Variants in SUGCT observed in about 807,000 individuals in gnomAD.
The protein encoded by SUGCT is succinyl-CoA:glutarate CoA-transferase.
SUGCT carries 41 observed loss-of-function variants against 55.0 expected under a neutral mutation model. The observed-to-expected ratio is 0.74, with a 90% CI of 0.58 to 0.97. The LOEUF (loss-of-function observed/expected upper bound fraction) is 0.97, where lower values mean the gene tolerates loss of function less well. Ranked by LOEUF, SUGCT falls within the 50% of genes least tolerant of loss-of-function variation. SUGCT has a pLI of 0.00. For missense variants in SUGCT, 568 were observed against 547.8 expected, an observed-to-expected ratio of 1.04 and a Z score of -0.37; for synonymous variants, 187 against 200.4, an observed-to-expected ratio of 0.93 and a Z score of 0.56.
At chr7:40,312,865 T>G (rs1294768430) in intron 8 of SUGCT, among the ~76,000 whole-genome samples, 1 of 152,180 alleles carries the variant, frequency 6.6e-6, no homozygotes, top group East Asian at 1.9e-4. Flanking sequence ...CCCGTTTTGA[T>G]GCAGTGAACC....
At chr7:40,236,953 C>T (rs1297715157) in intron 6 of SUGCT, among the ~76,000 whole-genome samples, 2 of 152,040 alleles carry the variant, frequency 1.3e-5, no homozygotes, top group Non-Finnish European at 2.9e-5. Context: ...GTGCCTCAGC[C>T]TTCCCAGTGG....
chr7:40,977,981 A>AT, the SUGCT span, among the ~76,000 whole-genome samples: 1 of 151,788 alleles, frequency 6.6e-6, no homozygotes. Flanking sequence ...CTGCGATTCA[A>AT]TTTTTTCCTG....
intron 8 of SUGCT, among the ~76,000 whole-genome samples, chr7:40,296,352 T>G (rs1056458745): frequency 6.6e-6 from 1 of 152,216 alleles, no homozygotes; most frequent in Non-Finnish European, 1.5e-5. Flanking sequence ...TGGATGGCAC[T>G]GTGTGCTCTT....
chr7:40,361,023 T>C (rs1449563070), intron 9 of SUGCT, among the ~76,000 whole-genome samples: 1 of 152,070 alleles, frequency 6.6e-6, no homozygotes, highest in African/African-American at 2.4e-5. Context: ...TAATTATTAG[T>C]GTGAATGTTG....
intron 8 of SUGCT, among the ~76,000 whole-genome samples, chr7:40,277,342 T>C (rs1163969197): frequency 2.7e-5 from 4 of 148,666 alleles, no homozygotes; most frequent in Admixed American, 1.3e-4. Flanking sequence ...TCAAAACTCC[T>C]GGCTAATTTT....
intron 13 of SUGCT, among the ~76,000 whole-genome samples, chr7:40,772,540 ATCTATC>A (rs1789187356): frequency 6.7e-6 from 1 of 148,574 alleles, no homozygotes; most frequent in Non-Finnish European, 1.5e-5. Context: ...CTATCTATCT[ATCTATC>A]TATCTATCTA....
At chr7:40,679,677 C>A (rs1235657142) in intron 12 of SUGCT, among the ~76,000 whole-genome samples, 2 of 152,076 alleles carry the variant, frequency 1.3e-5, no homozygotes, top group Non-Finnish European at 2.9e-5. Context: ...AGTGATATTC[C>A]ATTAACATTG....
At position 40,371,329 on chromosome 7, in the gene SUGCT, T is replaced by C. The variant is rs547184392; in HGVS notation, c.816+54474T>C. Among the ~76,000 whole-genome samples, 95 of 152,290 alleles carry C rather than the reference T, an allele frequency of 6.2e-4. 3 individuals are homozygous for C. In the South Asian group the frequency reaches 0.02, roughly 32 times the overall value. On this transcript the variant is annotated intron_variant, in intron 9 of 13. Transcript: ENST00000335693. ...AGCTTTGCATTTGTGTTTTGTTTGT[T>C]TGTTTGATTTGTCATTTTTATTTCT...
chr7:40,668,898 C>G (rs1438100864), intron 12 of SUGCT, among the ~76,000 whole-genome samples: 1 of 152,194 alleles, frequency 6.6e-6, no homozygotes, highest in Admixed American at 6.5e-5. Context: ...GCCTAGACTT[C>G]TACCCTTGTC....
At chr7:40,355,010 C>T (rs1263302519) in intron 9 of SUGCT, among the ~76,000 whole-genome samples, 8 of 152,072 alleles carry the variant, frequency 5.3e-5, no homozygotes, top group South Asian at 2.1e-4. Flanking sequence ...ATTGGGAAAT[C>T]GTACCTCAGT....
At chr7:40,657,819 C>A (rs1013845883) in intron 12 of SUGCT, among the ~76,000 whole-genome samples, 1 of 152,206 alleles carries the variant, frequency 6.6e-6, no homozygotes, top group African/African-American at 2.4e-5. Context: ...CAGGCCTGAG[C>A]CACTGCGCCC....
At chr7:40,798,633 C>A (rs1306019063) in intron 13 of SUGCT, among the ~76,000 whole-genome samples, 1 of 152,100 alleles carries the variant, frequency 6.6e-6, no homozygotes, top group African/African-American at 2.4e-5. Context: ...ATCTTGTTTT[C>A]TTTATTGCCA....
At chr7:40,651,074 G>A (rs1800753068) in intron 12 of SUGCT, among the ~76,000 whole-genome samples, 3 of 152,136 alleles carry the variant, frequency 2.0e-5, no homozygotes, top group South Asian at 4.1e-4. Context: ...TGGCTGCATA[G>A]TATTCCATGG....
At chr7:40,898,770 C>T in the SUGCT span, among the ~76,000 whole-genome samples, 2 of 152,112 alleles carry the variant, frequency 1.3e-5, no homozygotes, top group Admixed American at 6.5e-5. Context: ...CGAAAGCCTA[C>T]CAATTCTGGA....
intron 13 of SUGCT, among the ~76,000 whole-genome samples, chr7:40,821,225 C>CT (rs997722159): frequency 1.3e-5 from 2 of 151,896 alleles, no homozygotes; most frequent in Non-Finnish European, 2.9e-5. Flanking sequence ...CTAAAATTAT[C>CT]TTTTTTTTGT....
At chr7:40,742,242 G>A (rs1246434083) in intron 12 of SUGCT, among the ~76,000 whole-genome samples, 2 of 152,052 alleles carry the variant, frequency 1.3e-5, no homozygotes, top group African/African-American at 4.8e-5. Flanking sequence ...TATGTCAGGT[G>A]CATTCACAGC....
At chr7:40,951,632 T>C in the SUGCT span, among the ~76,000 whole-genome samples, 6 of 152,146 alleles carry the variant, frequency 3.9e-5, no homozygotes, top group East Asian at 3.9e-4. Context: ...TAAATGTGTC[T>C]CAGAGATTCT....
chr7:40,931,602 C>CTGTT, the SUGCT span, among the ~76,000 whole-genome samples: 2 of 152,088 alleles, frequency 1.3e-5, no homozygotes, highest in Admixed American at 1.3e-4. Context: ...ATTTCACAGC[C>CTGTT]TGTTATTGGT....
intron 12 of SUGCT, among the ~76,000 whole-genome samples, chr7:40,650,591 A>G: frequency 6.6e-6 from 1 of 152,230 alleles, no homozygotes; most frequent in East Asian, 1.9e-4. Flanking sequence ...GCCAACTTTC[A>G]GCAATAAATC....
Sources: gnomAD v4.1 joint callset for allele counts (sites outside exome capture counted in the v4.1 genomes callset) on GRCh38, gnomAD v4.1.1 for gene constraint, MANE v1.5 for transcripts, NCBI Gene and HGNC (gene_info 2026-07-23, HGNC 2026-07-21) for gene names.